Variants in VOPP1 observed in about 807,000 individuals in gnomAD.
The protein encoded by VOPP1 is VOPP1 WW domain binding protein, also known as WW domain binding protein VOPP1.
A neutral mutation model predicts 23.5 loss-of-function variants in VOPP1; 8 were observed. The observed-to-expected ratio is 0.34, with a 90% confidence interval of 0.20 to 0.61. The LOEUF (loss-of-function observed/expected upper bound fraction) is 0.61. Among genes scored for constraint, VOPP1 ranks in the 20% least tolerant of loss-of-function variants. The pLI is 0.78. For missense variants in VOPP1, 174 were observed against 238.1 expected, an observed-to-expected ratio of 0.73 and a Z score of 1.77; for synonymous variants, 83 against 97.3, an observed-to-expected ratio of 0.85 and a Z score of 0.86.
At chr7:55,566,273 T>A (rs1798160931) in intron 1 of VOPP1, among the ~76,000 whole-genome samples, 1 of 152,174 alleles carries the variant, frequency 6.6e-6, no homozygotes, top group Non-Finnish European at 1.5e-5. Context: ...AAGTGAAGAC[T>A]GTCTTATGTG....
At chr7:55,461,191 T>C (rs1791491703) in intron 4 of VOPP1, among the ~76,000 whole-genome samples, 3 of 151,882 alleles carry the variant, frequency 2.0e-5, no homozygotes, top group Non-Finnish European at 4.4e-5. Flanking sequence ...GCTATGAGGA[T>C]GAAAGGCATA....
chr7:55,524,743 C>G (rs1466527580), intron 1 of VOPP1, among the ~76,000 whole-genome samples: 1 of 152,080 alleles, frequency 6.6e-6, no homozygotes, highest in Non-Finnish European at 1.5e-5. Context: ...GACGCAGCCT[C>G]GTGATGGGAA....
chr7:55,566,180 G>A (rs73141731), intron 1 of VOPP1, among the ~76,000 whole-genome samples: 11,213 of 152,236 alleles, frequency 0.074, 684 homozygotes, highest in East Asian at 0.28. Flanking sequence ...GCTGGAGGTG[G>A]GGGTGGTGGG....
At chr7:55,435,403 G>A (rs114607962), downstream of VOPP1, among the ~76,000 whole-genome samples, 1,811 of 152,248 alleles carry the variant, frequency 0.012, 38 homozygotes, top group African/African-American at 0.04. Context: ...AGGAGGTGCC[G>A]TCGCATTTAG....
Position 55,572,388 on chromosome 7 carries a change from C to A in VOPP1, c.-64G>T. ...TCGCAGGCGCGCTTCGCGACTCGGC[C>A]CCCGCGCGGGGCGGGCGGGCAGACT... On this transcript the variant is annotated 5_prime_UTR_variant, in exon 1 of 5. Transcript: ENST00000285279. 2.5e-6 allele frequency: 3 copies of A among 1,185,416 alleles called. No homozygotes were observed. The highest frequency in any genetic ancestry group is 3.2e-6 in the Non-Finnish European group (3 of 941,922). 73.4% of individuals were successfully genotyped at this position (1,185,416 alleles called of 1,614,324 possible). A position where few individuals can be genotyped will look rare whatever the true frequency, so the allele number is the denominator to read the frequency against.
intron 4 of VOPP1, among the ~76,000 whole-genome samples, chr7:55,478,992 C>A (rs925887331): frequency 6.6e-6 from 1 of 152,108 alleles, no homozygotes; most frequent in Non-Finnish European, 1.5e-5. Context: ...GAGCCCGGCC[C>A]GAGGATGCTG....
At chr7:55,559,080 G>A (rs1797901054) in intron 1 of VOPP1, among the ~76,000 whole-genome samples, 2 of 152,050 alleles carry the variant, frequency 1.3e-5, no homozygotes, top group South Asian at 2.1e-4. Context: ...GGATAGTAAC[G>A]GTTTTTTAGT....
At chr7:55,475,156 G>A (rs950243727) in intron 4 of VOPP1, among the ~76,000 whole-genome samples, 6 of 152,230 alleles carry the variant, frequency 3.9e-5, no homozygotes, top group Middle Eastern at 3.2e-3. Context: ...AAACGCTTGC[G>A]CATATGGGCA....
intron 4 of VOPP1, among the ~76,000 whole-genome samples, chr7:55,445,964 C>T (rs1318907134): frequency 6.6e-6 from 1 of 151,364 alleles, no homozygotes; most frequent in East Asian, 1.9e-4. Context: ...TATTGGATAA[C>T]ACTGTTGTGG....
downstream of VOPP1, among the ~76,000 whole-genome samples, chr7:55,465,920 T>G (rs1240644699): frequency 6.6e-6 from 1 of 152,182 alleles, no homozygotes; most frequent in South Asian, 2.1e-4. Context: ...CGCTATGGAC[T>G]GAATGTCTGT....
At chr7:55,437,324 C>T (rs1345432653) in intron 4 of VOPP1, among the ~76,000 whole-genome samples, 2 of 152,218 alleles carry the variant, frequency 1.3e-5, no homozygotes, top group Non-Finnish European at 2.9e-5. Context: ...AGCTGAGGAA[C>T]TTATTTTGAG....
At chr7:55,473,879 G>T (rs1417289876) in intron 4 of VOPP1, among the ~76,000 whole-genome samples, 1 of 152,246 alleles carries the variant, frequency 6.6e-6, no homozygotes, top group Non-Finnish European at 1.5e-5. Flanking sequence ...AAGTGTCAAA[G>T]AAGCTGCCCC....
intron 2 of VOPP1, among the ~76,000 whole-genome samples, chr7:55,508,634 T>C (rs961473308): frequency 6.6e-6 from 1 of 152,214 alleles, no homozygotes; most frequent in Non-Finnish European, 1.5e-5. Flanking sequence ...TTCAGTAAAC[T>C]GCTGATCATT....
chr7:55,453,537 A>T (rs1791293570), intron 4 of VOPP1, among the ~76,000 whole-genome samples: 1 of 152,144 alleles, frequency 6.6e-6, no homozygotes, highest in African/African-American at 2.4e-5. Flanking sequence ...CAGGGAAGAG[A>T]GTGGGAAAGA....
chr7:55,441,150 G>A (rs1287096723), intron 4 of VOPP1, among the ~76,000 whole-genome samples: 5 of 152,128 alleles, frequency 3.3e-5, no homozygotes, highest in Non-Finnish European at 5.9e-5. Flanking sequence ...GCACAGAGCC[G>A]CCCGCTCTGC....
intron 4 of VOPP1, among the ~76,000 whole-genome samples, chr7:55,454,171 T>C (rs1397437832): frequency 1.3e-5 from 2 of 152,144 alleles, no homozygotes; most frequent in Non-Finnish European, 2.9e-5. Flanking sequence ...ATCTTTTTCT[T>C]GTGCTAGGAA....
downstream of VOPP1, among the ~76,000 whole-genome samples, chr7:55,468,848 C>T (rs1233208376): frequency 6.6e-6 from 1 of 151,992 alleles, no homozygotes; most frequent in Non-Finnish European, 1.5e-5. Flanking sequence ...TCTCAGTGTT[C>T]GAAGGATTTG....
intron 4 of VOPP1, among the ~76,000 whole-genome samples, chr7:55,475,930 C>T (rs1337087259): frequency 6.6e-6 from 1 of 152,180 alleles, no homozygotes; most frequent in South Asian, 2.1e-4. Flanking sequence ...ACCAAGGTCA[C>T]GCTACCGCTA....
intron 1 of VOPP1, among the ~76,000 whole-genome samples, chr7:55,547,828 A>G (rs913136507): frequency 1.3e-5 from 2 of 151,956 alleles, no homozygotes; most frequent in Non-Finnish European, 2.9e-5. Context: ...CCATTTTACC[A>G]CACTTCCCAT....
Sources: gnomAD v4.1 joint callset for allele counts (sites outside exome capture counted in the v4.1 genomes callset) on GRCh38, gnomAD v4.1.1 for gene constraint, MANE v1.5 for transcripts, NCBI Gene and HGNC (gene_info 2026-07-23, HGNC 2026-07-21) for gene names.